MEF2C: variants seen among roughly 807,000 people sequenced by gnomAD.
MEF2C encodes myocyte-specific enhancer factor 2C.
MEF2C carries 6 observed loss-of-function variants against 50.5 expected under a neutral mutation model. The ratio of observed to expected loss-of-function variants is 0.12; its 90% CI spans 0.07 to 0.23. MEF2C has a LOEUF of 0.23. Ranked by LOEUF, MEF2C falls within the 10% of genes least tolerant of loss-of-function variation. The pLI, the probability that MEF2C is intolerant of heterozygous loss-of-function variation, is 1.00. For synonymous variants in MEF2C, 183 were observed against 228.0 expected, an observed-to-expected ratio of 0.80 and a Z score of 1.78; for missense variants, 276 against 605.0, an observed-to-expected ratio of 0.46 and a Z score of 5.70.
intron 1 of MEF2C, among the ~76,000 whole-genome samples, chr5:88,839,774 C>T (rs1231166831): frequency 6.6e-6 from 1 of 151,988 alleles, no homozygotes; most frequent in Admixed American, 6.6e-5. Flanking sequence ...TCTTTTGTAT[C>T]GTATGAAATA....
chr5:88,778,711 A>C (rs1357545420), intron 3 of MEF2C, among the ~76,000 whole-genome samples: 3 of 152,226 alleles, frequency 2.0e-5, no homozygotes, highest in Non-Finnish European at 4.4e-5. Context: ...GGAAAAATAA[A>C]GTAAATGACT....
At chr5:88,768,768 T>C in intron 3 of MEF2C, 1 of 789,942 alleles carries the variant, frequency 1.3e-6, no homozygotes, top group Non-Finnish European at 1.5e-6. Flanking sequence ...CATTTATTAC[T>C]ACCATTTCAC....
chr5:88,723,357 A>ATTTT (rs1757096455), intron 10 of MEF2C, among the ~76,000 whole-genome samples: 1 of 152,244 alleles, frequency 6.6e-6, no homozygotes, highest in Non-Finnish European at 1.5e-5. Context: ...TTGTGTTTGA[A>ATTTT]TATTATTTTT....
chr5:88,751,496 T>C, intron 5 of MEF2C: 2 of 985,196 alleles, frequency 2.0e-6, no homozygotes, highest in Non-Finnish European at 2.4e-6. Context: ...TTCACAGAAG[T>C]GGTAGCTTGG....
chr5:88,851,643 C>T (rs948273215), intron 1 of MEF2C, among the ~76,000 whole-genome samples: 2 of 152,078 alleles, frequency 1.3e-5, no homozygotes, highest in East Asian at 1.9e-4. Flanking sequence ...GTTCTATACG[C>T]TACTATTCGT....
intron 1 of MEF2C, among the ~76,000 whole-genome samples, chr5:88,829,727 T>C (rs138704240): frequency 6.6e-6 from 1 of 152,208 alleles, no homozygotes; most frequent in East Asian, 1.9e-4. Flanking sequence ...GGAAGTTAAA[T>C]GGATTTTGGG....
chr5:88,812,429 T>G (rs1026440876), intron 2 of MEF2C, among the ~76,000 whole-genome samples: 3 of 152,160 alleles, frequency 2.0e-5, no homozygotes, highest in African/African-American at 7.2e-5. Flanking sequence ...TTTCACATAC[T>G]TGTTTTATTT....
At chr5:88,801,083 T>TA (rs201934560) in intron 3 of MEF2C, among the ~76,000 whole-genome samples, 1,691 of 152,258 alleles carry the variant, frequency 0.011, 29 homozygotes, top group African/African-American at 0.039. Context: ...TATGACCCTG[T>TA]AGCACTACTC....
At chr5:88,833,214 C>T (rs994536379) in intron 1 of MEF2C, among the ~76,000 whole-genome samples, 2 of 152,070 alleles carry the variant, frequency 1.3e-5, no homozygotes, top group Admixed American at 1.3e-4. Context: ...TTACAAAATG[C>T]TGATGATATA....
intron 1 of MEF2C, among the ~76,000 whole-genome samples, chr5:88,857,347 A>G (rs981522686): frequency 3.3e-5 from 5 of 152,144 alleles, no homozygotes. Context: ...GGTGGAACTA[A>G]CTAACATGCT....
intron 1 of MEF2C, among the ~76,000 whole-genome samples, chr5:88,864,150 TG>T (rs145114065): frequency 0.49 from 60,210 of 122,330 alleles, 12,744 homozygotes; most frequent in East Asian, 0.52. Context: ...TTTTTTTTTT[TG>T]TTTTTTTTTT....
At chr5:88,783,832 T>C (rs1789459123) in intron 3 of MEF2C, among the ~76,000 whole-genome samples, 1 of 152,216 alleles carries the variant, frequency 6.6e-6, no homozygotes, top group African/African-American at 2.4e-5. Context: ...AATTGGACTG[T>C]AAGTTTTGTG....
At chr5:88,749,360 C>T (rs1419969236) in intron 5 of MEF2C, 1 of 984,772 alleles carries the variant, frequency 1.0e-6, no homozygotes, top group African/African-American at 1.7e-5. Flanking sequence ...TAAAAAAATC[C>T]AGTCTTTGGT....
intron 6 of MEF2C, chr5:88,742,596 G>A (rs1767354818): frequency 1.0e-6 from 1 of 984,874 alleles, no homozygotes; most frequent in Admixed American, 6.2e-5. Context: ...ACACTCTCTA[G>A]GAAGTTATAA....
chr5:88,771,616 T>C (rs1325073843), intron 3 of MEF2C: 4 of 985,280 alleles, frequency 4.1e-6, no homozygotes, highest in South Asian at 4.7e-5. Context: ...TTGGGTAATA[T>C]GTGTGGACTC....
intron 1 of MEF2C, among the ~76,000 whole-genome samples, chr5:88,843,805 CTTTTTTT>C (rs35382083): frequency 7.7e-6 from 1 of 129,866 alleles, no homozygotes. Flanking sequence ...TCCTGTGAAA[CTTTTTTT>C]TTTTTTTTTT....
At position 88,740,147 on chromosome 5, in the gene MEF2C, T is replaced by A. The variant is rs1026216776; in HGVS notation, c.638-8246A>T. 8 of 985,116 alleles carry A rather than the reference T, an allele frequency of 8.1e-6. No individual in the cohort carries two copies. In the African/African-American group the frequency reaches 1.4e-4, roughly 17 times the overall value. The allele number at this position is 985,116 out of a possible 1,614,324, so 61.0% of individuals were successfully genotyped here. A position where few individuals can be genotyped will look rare whatever the true frequency, so the allele number is the denominator to read the frequency against. Reference sequence around the variant, plus strand: ...GTCTCTTCTCTTTGACCATGTCACCTGATGCTGGACCAGAGCTTCAGGAAT... The same window carrying A: ...GTCTCTTCTCTTTGACCATGTCACCAGATGCTGGACCAGAGCTTCAGGAAT... On this transcript the variant is annotated intron_variant, in intron 6 of 10. Transcript: ENST00000504921.
At chr5:88,793,390 A>G (rs2152981974) in intron 3 of MEF2C, among the ~76,000 whole-genome samples, 1 of 152,248 alleles carries the variant, frequency 6.6e-6, no homozygotes, top group Admixed American at 6.5e-5. Flanking sequence ...AGAGTAAGAG[A>G]AATACATGGA....
At chr5:88,743,039 G>A in intron 6 of MEF2C, 1 of 972,232 alleles carries the variant, frequency 1.0e-6, no homozygotes, top group Non-Finnish European at 1.2e-6. Context: ...AATGAATTCA[G>A]AATTTTTAAT....
Sources: gnomAD v4.1 joint callset for allele counts (sites outside exome capture counted in the v4.1 genomes callset) on GRCh38, gnomAD v4.1.1 for gene constraint, MANE v1.5 for transcripts, NCBI Gene and HGNC (gene_info 2026-07-23, HGNC 2026-07-21) for gene names.